Variants in PRKCH observed in about 807,000 individuals in gnomAD.
PRKCH encodes the protein protein kinase C eta type.
A neutral mutation model predicts 82.5 loss-of-function variants in PRKCH; 28 were observed. The ratio of observed to expected loss-of-function variants is 0.34; its 90% CI spans 0.25 to 0.47. PRKCH has a LOEUF of 0.47. PRKCH is among the 20% of genes least tolerant of loss of function. The pLI is 1.00. For synonymous variants in PRKCH, 322 were observed against 327.4 expected (o/e 0.98, Z 0.18); for missense variants, 705 against 881.8 (o/e 0.80, Z 2.54).
At chr14:61,424,836 C>T (rs1167500173) in intron 2 of PRKCH, among the ~76,000 whole-genome samples, 1 of 152,226 alleles carries the variant, frequency 6.6e-6, no homozygotes, top group East Asian at 1.9e-4. Flanking sequence ...ATGGACTGGG[C>T]CCAGGACCCT....
intron 10 of PRKCH, among the ~76,000 whole-genome samples, chr14:61,490,932 A>G (rs921490248): frequency 6.6e-6 from 1 of 152,036 alleles, no homozygotes; most frequent in East Asian, 1.9e-4. Context: ...AAACAAAAAC[A>G]AACAAAAAAA....
chr14:61,208,363 A>T (rs1303300032), intron 1 of PRKCH, among the ~76,000 whole-genome samples: 2 of 152,236 alleles, frequency 1.3e-5, no homozygotes, highest in African/African-American at 4.8e-5. Context: ...ATTATAAGAC[A>T]GTCTTCACAT....
At chr14:61,238,746 CTG>C (rs1303565552) in intron 1 of PRKCH, among the ~76,000 whole-genome samples, 1 of 150,878 alleles carries the variant, frequency 6.6e-6, no homozygotes, top group Admixed American at 6.6e-5. Context: ...ACTCTCTTCT[CTG>C]TCTTTTCCCC....
chr14:61,474,859 A>C (rs1885661057), intron 9 of PRKCH, among the ~76,000 whole-genome samples: 1 of 152,176 alleles, frequency 6.6e-6, no homozygotes, highest in Non-Finnish European at 1.5e-5. Flanking sequence ...CACATTCCAC[A>C]CAGAAACTTC....
Position 61,379,211 on chromosome 14 carries a change from C to G in PRKCH, c.364-12014C>G, listed in dbSNP as rs1007090108. On this transcript the variant is annotated intron_variant, in intron 1 of 13. Coordinates refer to ENST00000332981, the MANE Select transcript of PRKCH (RefSeq NM_006255.5). ...CTCCCCGTCTCTGTGTAGATGCCCC[C>G]CCTCCCCAGGTCCACTTGGAAAACC... is the stretch of plus-strand genomic sequence containing the variant. Among the ~76,000 whole-genome samples, 4 of 150,072 alleles carry G rather than the reference C, an allele frequency of 2.7e-5. No homozygotes were observed. The South Asian group carries it at 6.4e-4, about 24-fold the overall frequency.
intron 1 of PRKCH, among the ~76,000 whole-genome samples, chr14:61,200,478 G>T (rs1312756889): frequency 6.6e-6 from 1 of 152,054 alleles, no homozygotes; most frequent in Non-Finnish European, 1.5e-5. Flanking sequence ...ATAGAAAAAA[G>T]CCAGGTCACA....
At chr14:61,288,545 G>A (rs1449391282) in intron 1 of PRKCH, among the ~76,000 whole-genome samples, 1 of 151,194 alleles carries the variant, frequency 6.6e-6, no homozygotes, top group Non-Finnish European at 1.5e-5. Flanking sequence ...ATGGAGTGTT[G>A]TAGGGGCCCC....
At chr14:61,508,978 A>G (rs1004357149) in intron 10 of PRKCH, among the ~76,000 whole-genome samples, 1 of 152,054 alleles carries the variant, frequency 6.6e-6, no homozygotes, top group Non-Finnish European at 1.5e-5. Context: ...ATTCCCATCC[A>G]TGTTCTCACC....
At chr14:61,225,499 G>A (rs770572573) in intron 1 of PRKCH, among the ~76,000 whole-genome samples, 14 of 152,148 alleles carry the variant, frequency 9.2e-5, no homozygotes, top group East Asian at 3.9e-4. Flanking sequence ...GACACTGAGC[G>A]CAGAACACCC....
At chr14:61,448,362 C>T (rs1420560626) in intron 4 of PRKCH, among the ~76,000 whole-genome samples, 1 of 152,198 alleles carries the variant, frequency 6.6e-6, no homozygotes, top group African/African-American at 2.4e-5. Flanking sequence ...TATCACTTAT[C>T]TAGATGAGAA....
chr14:61,296,338 A>T (rs1164509505), intron 1 of PRKCH, among the ~76,000 whole-genome samples: 1 of 152,076 alleles, frequency 6.6e-6, no homozygotes, highest in Non-Finnish European at 1.5e-5. Context: ...TCCTCGGGGG[A>T]TCGGCTAAGC....
At chr14:61,535,954 T>C (rs2950274) in intron 12 of PRKCH, among the ~76,000 whole-genome samples, 115,141 of 152,226 alleles carry the variant, frequency 0.76, 46,337 homozygotes, top group Non-Finnish European at 0.89. Context: ...AACCACCATA[T>C]AAATGAATAT....
At chr14:61,260,475 T>C (rs1038199790) in intron 1 of PRKCH, among the ~76,000 whole-genome samples, 4 of 152,220 alleles carry the variant, frequency 2.6e-5, no homozygotes, top group Non-Finnish European at 5.9e-5. Flanking sequence ...AACTATCATA[T>C]GTTTATTGGA....
chr14:61,406,924 G>T (rs1431865626), intron 2 of PRKCH, among the ~76,000 whole-genome samples: 1 of 151,992 alleles, frequency 6.6e-6, no homozygotes, highest in African/African-American at 2.4e-5. Flanking sequence ...GATTTACTCT[G>T]TCAGGGGTTT....
intron 10 of PRKCH, among the ~76,000 whole-genome samples, chr14:61,519,546 C>G (rs1280516004): frequency 6.6e-6 from 1 of 152,066 alleles, no homozygotes; most frequent in Non-Finnish European, 1.5e-5. Flanking sequence ...ACTTTCTGGG[C>G]TGGAAATTGT....
chr14:61,257,595 TCA>T (rs1205720291), intron 1 of PRKCH, among the ~76,000 whole-genome samples: 1 of 123,736 alleles, frequency 8.1e-6, no homozygotes, highest in Non-Finnish European at 1.7e-5. Flanking sequence ...TCTCTCTCTG[TCA>T]CACACAGACA....
At chr14:61,243,673 A>G (rs1310097098) in intron 1 of PRKCH, among the ~76,000 whole-genome samples, 1 of 152,198 alleles carries the variant, frequency 6.6e-6, no homozygotes, top group Non-Finnish European at 1.5e-5. Flanking sequence ...ACAGAGAGCT[A>G]TGTCCATTTC....
intron 1 of PRKCH, among the ~76,000 whole-genome samples, chr14:61,213,183 G>A (rs779240544): frequency 2.0e-5 from 3 of 152,214 alleles, no homozygotes; most frequent in South Asian, 2.1e-4. Flanking sequence ...TTGGATGTGC[G>A]TGTTTGTCTG....
At chr14:61,481,364 T>C (rs17098474) in intron 9 of PRKCH, among the ~76,000 whole-genome samples, 2,050 of 152,290 alleles carry the variant, frequency 0.013, 26 homozygotes, top group South Asian at 0.024. Flanking sequence ...GTGGATGCCA[T>C]TCCAACAAGC....
Sources: gnomAD v4.1 joint callset for allele counts (sites outside exome capture counted in the v4.1 genomes callset) on GRCh38, gnomAD v4.1.1 for gene constraint, MANE v1.5 for transcripts, NCBI Gene and HGNC (gene_info 2026-07-23, HGNC 2026-07-21) for gene names.